Variants in GIMD1 observed in about 807,000 individuals in gnomAD.
GIMD1 encodes the protein GTPase IMAP family member GIMD1.
A neutral mutation model predicts 14.9 loss-of-function variants in GIMD1; 14 were observed. The ratio of observed to expected loss-of-function variants is 0.94; its 90% CI spans 0.62 to 1.47. The LOEUF (loss-of-function observed/expected upper bound fraction) is 1.47, where lower values mean the gene tolerates loss of function less well. Among genes scored for constraint, GIMD1 ranks in the 40% most tolerant of loss-of-function variants. GIMD1 has a pLI of 0.00. For synonymous variants in GIMD1, 91 were observed against 90.5 expected (o/e 1.01, Z -0.03); for missense variants, 272 against 255.3 (o/e 1.07, Z -0.44).
At chr4:106,360,895 A>T (rs1472129721) in intron 2 of GIMD1, among the ~76,000 whole-genome samples, 1 of 152,054 alleles carries the variant, frequency 6.6e-6, no homozygotes, top group Non-Finnish European at 1.5e-5. Context: ...AAAGACAGTA[A>T]ATACCTGCTG....
chr4:106,361,080 C>A (rs1056278519), intron 2 of GIMD1, among the ~76,000 whole-genome samples: 1 of 152,052 alleles, frequency 6.6e-6, no homozygotes, highest in Non-Finnish European at 1.5e-5. Flanking sequence ...GCATCAGAAC[C>A]ATTAGGGCTG....
chr4:106,365,348 C>A (rs1770680754), intron 2 of GIMD1, among the ~76,000 whole-genome samples: 1 of 150,282 alleles, frequency 6.7e-6, no homozygotes, highest in African/African-American at 2.4e-5. Context: ...CTCCTGTCAC[C>A]CTGATTTTTC....
intron 2 of GIMD1, among the ~76,000 whole-genome samples, chr4:106,362,054 A>C (rs1770620511): frequency 6.6e-6 from 1 of 152,128 alleles, no homozygotes; most frequent in South Asian, 2.1e-4. Context: ...AATCTCATTC[A>C]GAGAACGTGA....
Position 106,367,307 on chromosome 4 carries a change from C to G in GIMD1, c.129G>C (p.Val43=). The G allele has an allele frequency of 1.3e-5, 20 of 1,536,016 alleles. No homozygotes were observed. Among genetic ancestry groups the G allele is most frequent in the Non-Finnish European group, 1.7e-5 (20 of 1,146,852 alleles). The stretch of plus-strand genomic sequence containing the variant: ...TGCGGCCCAGGCTACAACATGTGGT[C>G]ACAGAACAGGGAGCAAAGCTGCTGT... ...DFHSSFAPCS[V]TTCCSLGRSC... Residue 43 remains valine (V), a synonymous_variant, in exon 2 of 3, where the codon GTG becomes GTC. Transcript: ENST00000638719.
chr4:106,365,774 TGAATAGTTTCCAGGAATTGTTAG>T (rs537681073), intron 2 of GIMD1, among the ~76,000 whole-genome samples: 2 of 152,112 alleles, frequency 1.3e-5, no homozygotes, highest in East Asian at 3.9e-4. Context: ...AGCAGCTCAA[TGAATAGTTTCCAGGAATTGTTAG>T]GAATAGTTTC....
rs112888548 is a variant in GIMD1, at chr4:106,359,745, G to A, written c.394-1302C>T. Among the ~76,000 whole-genome samples, 6 of 151,706 alleles carry A rather than the reference G, an allele frequency of 4.0e-5. 1 individual carries two copies. The highest frequency in any genetic ancestry group is 1.4e-4 in the African/African-American group (6 of 41,432). On this transcript the variant is annotated intron_variant, in intron 2 of 2. Transcript: ENST00000638719. ...AATAAGAAAGAAAACAGAAAAGGAA[G>A]AAAGGAGAAAGGAAGGAAGGAAGGC... is the stretch of plus-strand genomic sequence containing the variant.
intron 2 of GIMD1, among the ~76,000 whole-genome samples, chr4:106,362,692 A>T (rs961364249): frequency 6.6e-6 from 1 of 152,108 alleles, no homozygotes; most frequent in South Asian, 2.1e-4. Flanking sequence ...ATCAACTGAG[A>T]AAAAAATTAT....
intron 2 of GIMD1, among the ~76,000 whole-genome samples, chr4:106,366,802 G>A (rs990451252): frequency 6.6e-6 from 1 of 151,740 alleles, no homozygotes; most frequent in Admixed American, 6.6e-5. Flanking sequence ...CTACAAACCA[G>A]TTGTAAAATG....
At chr4:106,364,952 G>T (rs1341334828) in intron 2 of GIMD1, among the ~76,000 whole-genome samples, 1 of 152,006 alleles carries the variant, frequency 6.6e-6, no homozygotes, top group Non-Finnish European at 1.5e-5. Context: ...ATAACCTTTT[G>T]GGCTCAGCAT....
At chr4:106,363,996 T>G (rs1331291380) in intron 2 of GIMD1, among the ~76,000 whole-genome samples, 1 of 151,996 alleles carries the variant, frequency 6.6e-6, no homozygotes, top group African/African-American at 2.4e-5. Context: ...CTTCTCTGAT[T>G]CATTATTTGT....
chr4:106,366,987 G>T (rs895035809), intron 2 of GIMD1, 56 bp downstream of exon 2: 27 of 661,330 alleles, frequency 4.1e-5, no homozygotes, highest in African/African-American at 2.4e-4. Context: ...ATACTATTAG[G>T]ATAATGTCCT....
chr4:106,363,041 A>G (rs3133172), intron 2 of GIMD1, among the ~76,000 whole-genome samples: 4,948 of 151,800 alleles, frequency 0.033, 394 homozygotes, highest in East Asian at 0.28. Flanking sequence ...ATTTTTCCAG[A>G]TTTTTTTTCT....
At chr4:106,362,137 A>G (rs1370783732) in intron 2 of GIMD1, among the ~76,000 whole-genome samples, 1 of 152,114 alleles carries the variant, frequency 6.6e-6, no homozygotes, top group Admixed American at 6.6e-5. Flanking sequence ...GCCACTGGGA[A>G]GTTTTTACAC....
intron 2 of GIMD1, among the ~76,000 whole-genome samples, chr4:106,361,157 G>A (rs1770607233): frequency 6.6e-6 from 1 of 151,922 alleles, no homozygotes; most frequent in Non-Finnish European, 1.5e-5. Flanking sequence ...ATTTATTGAG[G>A]GTCTACTTTG....
chr4:106,367,893 GCTTT>G (rs1770728976), intron 1 of GIMD1, among the ~76,000 whole-genome samples: 1 of 152,088 alleles, frequency 6.6e-6, no homozygotes, highest in South Asian at 2.1e-4. Flanking sequence ...AACCCTTCTT[GCTTT>G]CTAACAACAT....
chr4:106,357,929 T>C lies in GIMD1; in HGVS notation c.*254A>G, dbSNP rs944242152. 5 of 296,044 alleles carry C rather than the reference T, an allele frequency of 1.7e-5. No homozygotes were observed. The highest frequency in any genetic ancestry group is 3.1e-5 in the Non-Finnish European group (5 of 158,912). 18.3% of individuals were successfully genotyped at this position (296,044 alleles called of 1,614,324 possible). On this transcript the variant is annotated 3_prime_UTR_variant, in exon 3 of 3. Coordinates refer to ENST00000638719, the MANE Select transcript of GIMD1 (RefSeq NM_001195138.2). ...AACATTATTGTGCATACATGTCTTC[T>C]AGTACACAAATGTACACATTTATGT...
chr4:106,358,935 T>C (rs929404356), intron 2 of GIMD1, among the ~76,000 whole-genome samples: 1 of 151,964 alleles, frequency 6.6e-6, no homozygotes, highest in Non-Finnish European at 1.5e-5. Context: ...TGACATGTAA[T>C]GGAAAAGCTC....
intron 1 of GIMD1, 24 bp from the exon 2 acceptor site, chr4:106,367,461 A>G: frequency 6.7e-7 from 1 of 1,497,694 alleles, no homozygotes; most frequent in East Asian, 2.5e-5. Flanking sequence ...AAGGCATAGC[A>G]CGCATAATTA....
intron 2 of GIMD1, among the ~76,000 whole-genome samples, chr4:106,363,264 G>A (rs1027016635): frequency 2.6e-5 from 4 of 151,974 alleles, no homozygotes; most frequent in East Asian, 1.9e-4. Flanking sequence ...ATCATTTACC[G>A]TTGAAAGGGC....
Sources: allele counts gnomAD v4.1 joint callset (sites outside exome capture counted in the v4.1 genomes callset), GRCh38; gene constraint gnomAD v4.1.1; transcripts MANE v1.5; gene names NCBI Gene and HGNC (gene_info 2026-07-23, HGNC 2026-07-21).